NCOA2: variants seen among roughly 807,000 people sequenced by gnomAD.
The protein encoded by NCOA2 is nuclear receptor coactivator 2, also known as class E basic helix-loop-helix protein 75.
In NCOA2, 21 loss-of-function variants were observed where a neutral mutation model predicts 145.1. That is an observed-to-expected ratio of 0.14 (90% CI 0.10 to 0.21). The LOEUF (loss-of-function observed/expected upper bound fraction) is 0.21. Ranked by LOEUF, NCOA2 falls within the 10% of genes least tolerant of loss-of-function variation. The probability of loss-of-function intolerance (pLI) is 1.00; values close to 1 mark genes in which losing one functional copy is unlikely to be tolerated. For synonymous variants in NCOA2, 619 were observed against 637.5 expected (o/e 0.97, Z 0.44); for missense variants, 1,472 against 1,837.6 (o/e 0.80, Z 3.64).
rs200431788 is a variant in NCOA2, at chr8:70,131,942, C to A, written c.3219G>T (p.Pro1073=). ...GGTCCAGGAGAGCTCCCTCATCACT[C>A]GGAGACTCAGCTGCAGGATGTGGAC... ...LLCPHPAAES[P]SDEGALLDQL... is the part of the protein sequence containing the mutation. Residue 1073 remains proline (P), a synonymous_variant, in exon 16 of 23, where the codon CCG becomes CCT. Transcript: ENST00000452400. The A allele has an allele frequency of 4.0e-5, 65 of 1,611,248 alleles. No individual in the cohort carries two copies. Among genetic ancestry groups the A allele is most frequent in the Non-Finnish European group, 5.1e-5 (60 of 1,178,880 alleles).
chr8:70,174,769 G>A lies in NCOA2; in HGVS notation c.350C>T (p.Pro117Leu). The change falls in exon 5 of 23, where the codon CCT becomes CTT. Residue 117 changes from proline (P) to leucine (L), a missense_variant. Transcript: ENST00000452400. The part of the protein sequence containing the change: ...QGVIDKDALG[P>L]MMLEALDGFF... ...AAGATGTGCTACCTCAAGCATCATA[G>A]GCCCCAGCGCATCCTTGTCGATGAC... The A allele has an allele frequency of 6.2e-7, 1 of 1,613,526 alleles. No homozygotes were observed. Among genetic ancestry groups the A allele is most frequent in the South Asian group, 1.1e-5 (1 of 91,080 alleles).
chr8:70,345,914 C>G (rs999305416), intron 1 of NCOA2, among the ~76,000 whole-genome samples: 24 of 152,208 alleles, frequency 1.6e-4, no homozygotes, highest in Non-Finnish European at 1.5e-4. Flanking sequence ...CAGGAACTCC[C>G]ACTCCAGCCC....
At chr8:70,395,984 A>AGCTCTCC (rs2131701387) in intron 1 of NCOA2, among the ~76,000 whole-genome samples, 2 of 152,366 alleles carry the variant, frequency 1.3e-5, no homozygotes, top group Admixed American at 1.3e-4. Context: ...GTTCCCTGAA[A>AGCTCTCC]GCTCTCCGCG....
At chr8:70,296,661 T>C (rs963430821) in intron 2 of NCOA2, 83 bp downstream of exon 2, 1 of 152,192 alleles carries the variant, frequency 6.6e-6, no homozygotes, top group Non-Finnish European at 1.5e-5. Context: ...CTTATTTACA[T>C]ATTTTCCTAA....
intron 4 of NCOA2, among the ~76,000 whole-genome samples, chr8:70,188,717 A>G (rs1048302083): frequency 2.6e-5 from 4 of 152,232 alleles, no homozygotes; most frequent in African/African-American, 9.6e-5. Flanking sequence ...CTAAGTCAAA[A>G]TGAAAAGAAA....
At chr8:70,392,103 A>G (rs1813263471) in intron 1 of NCOA2, among the ~76,000 whole-genome samples, 1 of 152,200 alleles carries the variant, frequency 6.6e-6, no homozygotes. Context: ...TGTGTGTAGG[A>G]AATTTTTCAT....
intron 3 of NCOA2, among the ~76,000 whole-genome samples, chr8:70,215,405 G>T (rs886349505): frequency 1.3e-5 from 2 of 152,178 alleles, no homozygotes; most frequent in Non-Finnish European, 2.9e-5. Context: ...CCCAGGTAGG[G>T]CTCCTGACTA....
chr8:70,262,354 A>G (rs1487609358), intron 2 of NCOA2, among the ~76,000 whole-genome samples: 1 of 152,224 alleles, frequency 6.6e-6, no homozygotes, highest in African/African-American at 2.4e-5. Context: ...AAGCACATGC[A>G]CAGGATAATC....
chr8:70,117,202 C>A (rs1479206558), intron 22 of NCOA2, among the ~76,000 whole-genome samples: 1 of 152,258 alleles, frequency 6.6e-6, no homozygotes, highest in East Asian at 1.9e-4. Context: ...TGGTTGCAGG[C>A]CTACCCCTAA....
chr8:70,444,357 G>A, the NCOA2 span, among the ~76,000 whole-genome samples: 1 of 152,180 alleles, frequency 6.6e-6, no homozygotes, highest in African/African-American at 2.4e-5. Context: ...TAGGAAGGAG[G>A]TGGCTGTGGC....
intron 1 of NCOA2, among the ~76,000 whole-genome samples, chr8:70,318,931 T>C (rs1440421434): frequency 6.6e-6 from 1 of 152,212 alleles, no homozygotes; most frequent in African/African-American, 2.4e-5. Context: ...GCTCTGGAGA[T>C]ATTCAGACCT....
At chr8:70,388,662 G>A (rs900084453) in intron 1 of NCOA2, among the ~76,000 whole-genome samples, 6 of 151,284 alleles carry the variant, frequency 4.0e-5, no homozygotes, top group Non-Finnish European at 8.8e-5. Context: ...TTAAATTTTT[G>A]CTGAATAAAC....
the NCOA2 span, among the ~76,000 whole-genome samples, chr8:70,411,583 T>A: frequency 6.6e-6 from 1 of 152,212 alleles, no homozygotes; most frequent in Non-Finnish European, 1.5e-5. Context: ...ATGTATCCTA[T>A]AGAGTCCTTC....
At chr8:70,130,646 C>A (rs906707292) in intron 16 of NCOA2, among the ~76,000 whole-genome samples, 14 of 152,190 alleles carry the variant, frequency 9.2e-5, no homozygotes, top group African/African-American at 2.9e-4. Flanking sequence ...GTCTGCTCAA[C>A]TGTGGGAATT....
chr8:70,343,035 A>C (rs200213502), intron 1 of NCOA2, among the ~76,000 whole-genome samples: 1 of 152,214 alleles, frequency 6.6e-6, no homozygotes, highest in East Asian at 1.9e-4. Flanking sequence ...TAAACAGGAA[A>C]GATAAATATT....
intron 4 of NCOA2, among the ~76,000 whole-genome samples, chr8:70,204,751 G>A (rs1818258948): frequency 6.6e-6 from 1 of 152,262 alleles, no homozygotes; most frequent in South Asian, 2.1e-4. Flanking sequence ...CAGCACTTAG[G>A]GAGGACAAGG....
intron 13 of NCOA2, 124 bp downstream of exon 13, chr8:70,144,514 TCTCA>T (rs1260905480): frequency 1.3e-6 from 1 of 757,194 alleles, no homozygotes. Context: ...TGTAGAATTT[TCTCA>T]CTTTCAGATG....
At chr8:70,430,760 A>C in the NCOA2 span, among the ~76,000 whole-genome samples, 2 of 152,248 alleles carry the variant, frequency 1.3e-5, no homozygotes, top group East Asian at 1.9e-4. Context: ...CACACAGGTC[A>C]TCAGAAGGAA....
intron 22 of NCOA2, among the ~76,000 whole-genome samples, chr8:70,117,100 T>A (rs761326598): frequency 2.0e-5 from 3 of 152,262 alleles, no homozygotes; most frequent in African/African-American, 7.2e-5. Context: ...TCTTTCCATT[T>A]TGGGTTTAAA....
Sources: allele counts gnomAD v4.1 joint callset (sites outside exome capture counted in the v4.1 genomes callset), GRCh38; gene constraint gnomAD v4.1.1; transcripts MANE v1.5; gene names NCBI Gene and HGNC (gene_info 2026-07-23, HGNC 2026-07-21).